The following CACNA2D3 variants were observed in gnomAD, a reference collection of about 807,000 sequenced individuals.
CACNA2D3 encodes voltage-dependent calcium channel subunit alpha-2/delta-3.
In CACNA2D3, 60 loss-of-function variants were observed where a neutral mutation model predicts 160.6. The ratio of observed to expected loss-of-function variants is 0.37; its 90% CI spans 0.30 to 0.46. The LOEUF is 0.46. Among genes scored for constraint, CACNA2D3 ranks in the 20% least tolerant of loss-of-function variants. The pLI is 1.00. For missense variants in CACNA2D3, 1,205 were observed against 1,365.0 expected (o/e 0.88, Z 1.85); for synonymous variants, 558 against 492.9 (o/e 1.13, Z -1.75).
chr3:54,652,146 C>T (rs548409638), intron 11 of CACNA2D3, among the ~76,000 whole-genome samples: 2 of 151,916 alleles, frequency 1.3e-5, no homozygotes, highest in South Asian at 4.1e-4. Context: ...CCCTAGCCTC[C>T]ACACGACCGT....
intron 4 of CACNA2D3, among the ~76,000 whole-genome samples, chr3:54,461,899 C>T (rs1021105540): frequency 2.6e-5 from 4 of 152,196 alleles, no homozygotes; most frequent in African/African-American, 4.8e-5. Flanking sequence ...TTCCTGCTTT[C>T]TGTTGTGGGC....
At chr3:54,927,246 C>A (rs920330351) in intron 27 of CACNA2D3, among the ~76,000 whole-genome samples, 1 of 152,118 alleles carries the variant, frequency 6.6e-6, no homozygotes, top group African/African-American at 2.4e-5. Flanking sequence ...TGCTCTAGGG[C>A]AATAGGGAAG....
chr3:54,722,915 G>T (rs1411234222), intron 11 of CACNA2D3, among the ~76,000 whole-genome samples: 1 of 152,170 alleles, frequency 6.6e-6, no homozygotes, highest in Admixed American at 6.5e-5. Context: ...AGCAGAGCTC[G>T]AACGCCGTAC....
chr3:55,063,734 T>C (rs540299918), intron 35 of CACNA2D3, among the ~76,000 whole-genome samples: 1 of 152,208 alleles, frequency 6.6e-6, no homozygotes, highest in African/African-American at 2.4e-5. Flanking sequence ...ATCGGGTAGA[T>C]GACAGGGGCT....
chr3:54,123,163 G>T (rs56238522), intron 1 of CACNA2D3, among the ~76,000 whole-genome samples: 1 of 136,816 alleles, frequency 7.3e-6, no homozygotes, highest in Non-Finnish European at 1.7e-5. Context: ...CTTTTTTTGG[G>T]GGGGGGATGG....
At chr3:54,873,514 C>T (rs1452756337) in intron 18 of CACNA2D3, among the ~76,000 whole-genome samples, 1 of 152,092 alleles carries the variant, frequency 6.6e-6, no homozygotes, top group African/African-American at 2.4e-5. Context: ...TTTCAGTGAG[C>T]GAATGTCTCC....
intron 5 of CACNA2D3, among the ~76,000 whole-genome samples, chr3:54,562,158 C>T (rs1231284874): frequency 6.6e-6 from 1 of 152,238 alleles, no homozygotes; most frequent in Admixed American, 6.5e-5. Flanking sequence ...ATCCATCCAT[C>T]CTTCCCTCTG....
chr3:54,846,304 G>C, intron 16 of CACNA2D3, 89 bp from the exon 17 acceptor site: 1 of 781,976 alleles, frequency 1.3e-6, no homozygotes, highest in South Asian at 1.7e-5. Context: ...AGTTAAAGCT[G>C]TAAATTACTA....
chr3:54,346,548 T>A (rs1698461729), intron 3 of CACNA2D3, among the ~76,000 whole-genome samples: 1 of 152,150 alleles, frequency 6.6e-6, no homozygotes, highest in African/African-American at 2.4e-5. Flanking sequence ...GGAGAACAGG[T>A]TTAGGTTTAC....
intron 2 of CACNA2D3, among the ~76,000 whole-genome samples, chr3:54,129,141 A>T (rs1699656396): frequency 6.6e-6 from 1 of 152,228 alleles, no homozygotes; most frequent in Non-Finnish European, 1.5e-5. Context: ...ACTCTGTCTG[A>T]AGTGGTTGTT....
intron 29 of CACNA2D3, among the ~76,000 whole-genome samples, chr3:54,971,351 A>G (rs79084070): frequency 6.3e-4 from 96 of 152,312 alleles, no homozygotes; most frequent in African/African-American, 2.2e-3. Context: ...ACACAACTCA[A>G]TAGTAGTAGT....
At chr3:54,853,929 G>A (rs1699113655) in intron 17 of CACNA2D3, among the ~76,000 whole-genome samples, 1 of 151,904 alleles carries the variant, frequency 6.6e-6, no homozygotes, top group Non-Finnish European at 1.5e-5. Context: ...GTCCCCAAAT[G>A]CAGGGATCTG....
chr3:54,571,114 A>G (rs570892744), intron 8 of CACNA2D3, among the ~76,000 whole-genome samples: 2 of 152,232 alleles, frequency 1.3e-5, no homozygotes, highest in Non-Finnish European at 2.9e-5. Flanking sequence ...TCCAGCTTAT[A>G]GGTAGATTTT....
intron 13 of CACNA2D3, among the ~76,000 whole-genome samples, chr3:54,794,410 T>C (rs1702826042): frequency 6.6e-6 from 1 of 152,180 alleles, no homozygotes. Context: ...CAATACATTG[T>C]TTTTATTTTG....
intron 2 of CACNA2D3, among the ~76,000 whole-genome samples, chr3:54,175,948 C>CAGACTTTAG (rs1347532954): frequency 2.0e-5 from 3 of 152,186 alleles, no homozygotes; most frequent in African/African-American, 7.2e-5. Flanking sequence ...GGTGTGTTGG[C>CAGACTTTAG]AGACTTTAGT....
chr3:54,594,119 C>T (rs908757375), intron 9 of CACNA2D3, among the ~76,000 whole-genome samples: 1 of 152,188 alleles, frequency 6.6e-6, no homozygotes, highest in Non-Finnish European at 1.5e-5. Flanking sequence ...TTAATCTCCA[C>T]TTCATTATAG....
intron 2 of CACNA2D3, among the ~76,000 whole-genome samples, chr3:54,161,112 C>G (rs1050689547): frequency 1.3e-5 from 2 of 152,158 alleles, no homozygotes; most frequent in African/African-American, 4.8e-5. Context: ...AAGACAGTGT[C>G]ATGCCATGTT....
At chr3:54,197,936 T>C (rs1701110612) in intron 2 of CACNA2D3, among the ~76,000 whole-genome samples, 2 of 152,228 alleles carry the variant, frequency 1.3e-5, no homozygotes, top group African/African-American at 4.8e-5. Context: ...TGGGAGCTGC[T>C]TTCTCTGTGA....
At chr3:54,651,447 G>A (rs1267853233) in intron 11 of CACNA2D3, among the ~76,000 whole-genome samples, 1 of 150,664 alleles carries the variant, frequency 6.6e-6, no homozygotes, top group Non-Finnish European at 1.5e-5. Context: ...AAAAAGCAAG[G>A]ATGGTAGCTT....
Sources: gnomAD v4.1 joint callset for allele counts (sites outside exome capture counted in the v4.1 genomes callset) on GRCh38, gnomAD v4.1.1 for gene constraint, MANE v1.5 for transcripts, NCBI Gene and HGNC (gene_info 2026-07-23, HGNC 2026-07-21) for gene names.